GRK7: variants seen among roughly 807,000 people sequenced by gnomAD.
GRK7 encodes the protein rhodopsin kinase GRK7.
Under a neutral mutation model 34.1 loss-of-function variants are expected in GRK7, and 24 were observed. The observed-to-expected ratio is 0.70, with a 90% confidence interval of 0.51 to 0.99. GRK7 has a LOEUF of 0.99. Ranked by LOEUF, GRK7 falls within the 50% of genes least tolerant of loss-of-function variation. The pLI is 0.00. For synonymous variants in GRK7, 256 were observed against 279.4 expected (o/e 0.92, Z 0.84); for missense variants, 644 against 707.3 (o/e 0.91, Z 1.02).
At chr3:141,799,614 A>G (rs1477424712) in intron 4 of GRK7, among the ~76,000 whole-genome samples, 1 of 152,024 alleles carries the variant, frequency 6.6e-6, no homozygotes. Context: ...TCGGTCTAAA[A>G]AAAAAAAACA....
At chr3:141,811,040 C>T (rs566364370) in intron 5 of GRK7, among the ~76,000 whole-genome samples, 8 of 152,074 alleles carry the variant, frequency 5.3e-5, no homozygotes, top group Non-Finnish European at 1.0e-4. Flanking sequence ...CTTGGCCGGG[C>T]GCGGTGTCTC....
intron 2 of GRK7, among the ~76,000 whole-genome samples, chr3:141,776,649 C>T (rs563306478): frequency 1.3e-3 from 196 of 152,292 alleles, no homozygotes; most frequent in Admixed American, 3.5e-3. Flanking sequence ...TTACATAATT[C>T]CTGGTAGCAT....
intron 5 of GRK7, among the ~76,000 whole-genome samples, chr3:141,816,003 G>A (rs1407035075): frequency 6.6e-6 from 1 of 152,124 alleles, no homozygotes; most frequent in Non-Finnish European, 1.5e-5. Context: ...GTTGTTTTAA[G>A]GCACTAAATT....
chr3:141,817,915 C>T lies in GRK7; in HGVS notation c.*865C>T, dbSNP rs6772916. On this transcript the variant is annotated 3_prime_UTR_variant, in exon 6 of 6. Transcript: ENST00000682958. Reference sequence around the variant, plus strand: ...AAGCTCCCCAGGTGATTCTAATGTGCAGCAGAGTTTGGCAGGCACTGCTGT... The same window carrying T: ...AAGCTCCCCAGGTGATTCTAATGTGTAGCAGAGTTTGGCAGGCACTGCTGT... 233 of 152,328 alleles carry T rather than the reference C, an allele frequency of 1.5e-3. No individual in the cohort carries two copies. Among genetic ancestry groups the T allele is most frequent in the African/African-American group, 5.6e-3 (231 of 41,572 alleles). 9.4% of individuals were successfully genotyped at this position (152,328 alleles called of 1,614,324 possible).
At chr3:141,803,043 A>G (rs1045655321) in intron 4 of GRK7, among the ~76,000 whole-genome samples, 4 of 152,200 alleles carry the variant, frequency 2.6e-5, no homozygotes, top group African/African-American at 9.6e-5. Flanking sequence ...TCACACGAGC[A>G]CCTTTGAAAT....
At chr3:141,774,435 A>C (rs931774041) in intron 1 of GRK7, among the ~76,000 whole-genome samples, 145 bp from the exon 2 acceptor site, 4 of 152,176 alleles carry the variant, frequency 2.6e-5, no homozygotes, top group Non-Finnish European at 5.9e-5. Flanking sequence ...AAAGAAAAAA[A>C]AGAAAAAAGA....
Position 141,794,939 on chromosome 3 carries a change from G to T in GRK7, c.1051-12706G>T, listed in dbSNP as rs576637862. Among the ~76,000 whole-genome samples, 15 of 152,202 alleles carry T rather than the reference G, an allele frequency of 9.9e-5. 1 individual carries two copies. Among genetic ancestry groups the T allele is most frequent in the African/African-American group, 3.6e-4 (15 of 41,530 alleles). On this transcript the variant is annotated intron_variant, in intron 4 of 5. Coordinates refer to ENST00000682958, the MANE Select transcript of GRK7 (RefSeq NM_139209.3). Reference sequence around the variant, plus strand: ...AACAAAGACCCTGAATACTAAACAGGGAACCAGGCAAACAAATGCCTGCCT... The same window carrying T: ...AACAAAGACCCTGAATACTAAACAGTGAACCAGGCAAACAAATGCCTGCCT...
intron 4 of GRK7, among the ~76,000 whole-genome samples, chr3:141,805,256 C>G (rs922055311): frequency 6.6e-6 from 1 of 152,252 alleles, no homozygotes; most frequent in African/African-American, 2.4e-5. Context: ...CCTTACAGGT[C>G]TCGGTATCCC....
chr3:141,777,322 C>CTTTTTTTTTTTTTTTT lies in GRK7; in HGVS notation c.-113-845_-113-830dup, dbSNP rs770173065. On this transcript the variant is annotated intron_variant, in intron 2 of 5. Coordinates refer to ENST00000682958, the MANE Select transcript of GRK7 (RefSeq NM_139209.3). ...TATGTTTTGGGTGGAGATGGCCCCT[C>CTTTTTTTTTTTTTTTT]TTTTTTTTTTTTTTTTTTTTGAGAC... Among the ~76,000 whole-genome samples the CTTTTTTTTTTTTTTTT allele has an allele frequency of 4.6e-3, 244 of 52,862 alleles. 65 individuals are homozygous for CTTTTTTTTTTTTTTTT. The highest frequency in any genetic ancestry group is 0.016 in the African/African-American group (173 of 11,156). 34.7% of individuals were successfully genotyped at this position (52,862 alleles called of 152,430 possible). A position where few individuals can be genotyped will look rare whatever the true frequency, so the allele number is the denominator to read the frequency against.
At chr3:141,788,915 C>G (rs1373307453) in intron 4 of GRK7, among the ~76,000 whole-genome samples, 1 of 152,158 alleles carries the variant, frequency 6.6e-6, no homozygotes, top group Non-Finnish European at 1.5e-5. Context: ...CTCACTGAAA[C>G]CTCTACCTCT....
chr3:141,784,621 C>T (rs1577916476), intron 4 of GRK7, among the ~76,000 whole-genome samples: 1 of 152,150 alleles, frequency 6.6e-6, no homozygotes, highest in Admixed American at 6.5e-5. Flanking sequence ...TCATTATATT[C>T]ACAACATTTC....
chr3:141,764,208 G>C lies in GRK7; in HGVS notation c.-1745G>C, dbSNP rs1436947297. On this transcript the variant is annotated 5_prime_UTR_variant, in exon 1 of 6. Coordinates refer to ENST00000682958, the MANE Select transcript of GRK7 (RefSeq NM_139209.3). ...TCATACCCTGGCCTCTCCATCCCCTGATCTCATCTCTTCCAGTGATGTGCT... is the reference window on the plus strand; with the variant it reads ...TCATACCCTGGCCTCTCCATCCCCTCATCTCATCTCTTCCAGTGATGTGCT... Among the ~76,000 whole-genome samples the C allele has an allele frequency of 6.6e-6, 1 of 151,952 alleles. No homozygotes were observed. Among genetic ancestry groups the C allele is most frequent in the Non-Finnish European group, 1.5e-5 (1 of 68,000 alleles).
chr3:141,807,511 C>A, intron 4 of GRK7, 134 bp from the exon 5 acceptor site: 2 of 814,902 alleles, frequency 2.5e-6, no homozygotes, highest in Non-Finnish European at 3.9e-6. Context: ...CATTGCCACC[C>A]CAAACAAATT....
Position 141,807,786 on chromosome 3 carries a change from G to C in GRK7, c.1192G>C (p.Val398Leu), listed in dbSNP as rs141435292. 36 of 1,614,196 alleles carry C rather than the reference G, an allele frequency of 2.2e-5. No homozygotes were observed. Among genetic ancestry groups the C allele is most frequent in the Admixed American group, 5.0e-5 (3 of 60,028 alleles). Residue 398 changes from valine to leucine, a missense_variant, in exon 5 of 6, where the codon GTC becomes CTC. Val to Leu is a conservative substitution (Grantham distance 32). Transcript: ENST00000682958. The stretch of plus-strand genomic sequence containing the variant: ...ACCATTCAAAGATTACAAGGAAAAG[G>C]TCAGTAAAGAGGATCTGAAGCAAAG... ...RTPFKDYKEK[V>L]SKEDLKQRTL...
At chr3:141,774,245 C>A (rs1251082412) in intron 1 of GRK7, among the ~76,000 whole-genome samples, 1 of 151,786 alleles carries the variant, frequency 6.6e-6, no homozygotes, top group Non-Finnish European at 1.5e-5. Context: ...CCAGCCTGGG[C>A]AACATGTCTC....
In GRK7 at chr3:141,765,289, C is replaced by T. The variant is rs536032449; in HGVS notation, c.-664C>T. On this transcript the variant is annotated 5_prime_UTR_variant, in exon 1 of 6. The change creates a new upstream start codon in the 5' untranslated region. Transcript: ENST00000682958. ...TACCCTCAGGCAGTCACATGGCTCA[C>T]GCCCTTACCTTCAGGAGGTCTTGAC... Among the ~76,000 whole-genome samples the T allele has an allele frequency of 1.5e-3, 225 of 152,328 alleles. No individual in the cohort carries two copies. The highest frequency in any genetic ancestry group is 5.2e-3 in the African/African-American group (216 of 41,568).
rs948306856 is a variant in GRK7, at chr3:141,818,948, C to G, written c.*1898C>G. ...ACCTGCGGCTCACTTTCCCGCTCCT[C>G]CTCCATCCTCAGCATGCTCCCTAAT... On this transcript the variant is annotated 3_prime_UTR_variant, in exon 6 of 6. Transcript: ENST00000682958. Among the ~76,000 whole-genome samples, 1 of 152,236 alleles carries G rather than the reference C, an allele frequency of 6.6e-6. No individual in the cohort carries two copies. The highest frequency in any genetic ancestry group is 2.4e-5 in the African/African-American group (1 of 41,470).
At chr3:141,757,354 C>A in the GRK7 span, among the ~76,000 whole-genome samples, 1 of 141,288 alleles carries the variant, frequency 7.1e-6, no homozygotes, top group Non-Finnish European at 1.5e-5. Context: ...CTTCATGTGT[C>A]CATGTGATCT....
At chr3:141,776,128 A>G (rs1340298446) in intron 2 of GRK7, among the ~76,000 whole-genome samples, 1 of 151,980 alleles carries the variant, frequency 6.6e-6, no homozygotes, top group African/African-American at 2.4e-5. Flanking sequence ...ACTAAACAAA[A>G]TACAAAAAAT....
Sources: gnomAD v4.1 joint callset for allele counts (sites outside exome capture counted in the v4.1 genomes callset) on GRCh38, gnomAD v4.1.1 for gene constraint, MANE v1.5 for transcripts, NCBI Gene and HGNC (gene_info 2026-07-23, HGNC 2026-07-21) for gene names.